The following CDKL2 variants were observed in gnomAD, a reference collection of about 807,000 sequenced individuals.
The protein encoded by CDKL2 is cyclin dependent kinase like 2.
A neutral mutation model predicts 63.9 loss-of-function variants in CDKL2; 64 were observed. The ratio of observed to expected loss-of-function variants is 1.00; its 90% CI spans 0.82 to 1.23. CDKL2 has a LOEUF of 1.23. Among genes scored for constraint, CDKL2 ranks in the 50% most tolerant of loss-of-function variants. CDKL2 has a pLI of 0.00. For missense variants in CDKL2, 656 were observed against 668.0 expected (o/e 0.98, Z 0.20); for synonymous variants, 211 against 229.2 (o/e 0.92, Z 0.72).
intron 2 of CDKL2, among the ~76,000 whole-genome samples, chr4:75,624,031 G>C (rs1285479053): frequency 6.6e-6 from 1 of 151,374 alleles, no homozygotes; most frequent in African/African-American, 2.4e-5. Context: ...CTACTCAGGA[G>C]GCTGAGGCAG....
In CDKL2 at chr4:75,598,212, C is replaced by A. The variant is rs1729028031; in HGVS notation, c.885G>T (p.Arg295Ser). The change falls in exon 8 of 14, where the codon AGG becomes AGT. Residue 295 changes from arginine to serine, a missense_variant and splice_region_variant. By Grantham distance (110) the Arg-to-Ser change is moderately radical. Transcript: ENST00000307465. Reference protein sequence around the residue: ...DFFQMDGFAERFSQELQLKVQ... With the variant: ...DFFQMDGFAESFSQELQLKVQ... ...CTTTTAACTGTAGTTCTTGGGAAAA[C>A]CTACATAAAAATATAATAAAATAAA... The A allele has an allele frequency of 7.0e-7, 1 of 1,419,666 alleles. No homozygotes were observed. The highest frequency in any genetic ancestry group is 1.4e-5 in the South Asian group (1 of 71,306). The allele number at this position is 1,419,666 out of a possible 1,614,324, so 87.9% of individuals were successfully genotyped here. A position where few individuals can be genotyped will look rare whatever the true frequency, so the allele number is the denominator to read the frequency against.
Position 75,614,256 on chromosome 4 carries a change from T to A in CDKL2, c.362A>T (p.Asn121Ile). Reference sequence around the variant, plus strand: ...AAATTATTTAAACCCAATACTTACATTGTGACTGTGACAAAATCCAATTCC... The same window carrying A: ...AAATTATTTAAACCCAATACTTACAATGTGACTGTGACAAAATCCAATTCC... ...INGIGFCHSH[N>I]IIHRDIKPEN... Residue 121 changes from asparagine to isoleucine, a missense_variant and splice_region_variant, in exon 3 of 14, where the codon AAT becomes ATT. Physicochemically the swap from Asn to Ile is moderately radical, Grantham distance 149 (BLOSUM62 -3). Coordinates refer to ENST00000307465, the MANE Select transcript of CDKL2 (RefSeq NM_001330724.2). The A allele has an allele frequency of 1.3e-6, 2 of 1,581,744 alleles. No homozygotes were observed. The highest frequency in any genetic ancestry group is 1.3e-5 in the African/African-American group (1 of 74,160).
intron 12 of CDKL2, among the ~76,000 whole-genome samples, chr4:75,588,729 A>C (rs1728582149): frequency 6.6e-6 from 1 of 152,196 alleles, no homozygotes; most frequent in Non-Finnish European, 1.5e-5. Context: ...CCCCCAAATC[A>C]GTGGACACAC....
intron 6 of CDKL2, among the ~76,000 whole-genome samples, chr4:75,603,387 T>C (rs970132401): frequency 2.0e-5 from 3 of 151,962 alleles, no homozygotes; most frequent in African/African-American, 7.2e-5. Flanking sequence ...ATTTAAATTG[T>C]TTCTAAATGT....
intron 4 of CDKL2, among the ~76,000 whole-genome samples, chr4:75,606,241 A>C (rs1435119004): frequency 6.6e-6 from 1 of 150,422 alleles, no homozygotes; most frequent in African/African-American, 2.4e-5. Context: ...TTGAGACAGA[A>C]TCTCACTCTG....
intron 10 of CDKL2, 59 bp from the exon 11 acceptor site, chr4:75,592,328 C>G: frequency 7.1e-7 from 1 of 1,412,584 alleles, no homozygotes; most frequent in Non-Finnish European, 9.3e-7. Context: ...CTAGGCTTTC[C>G]TTCTTCTGTA....
At chr4:75,580,790 T>C in intron 13 of CDKL2, among the ~76,000 whole-genome samples, 1 of 145,284 alleles carries the variant, frequency 6.9e-6, no homozygotes, top group African/African-American at 2.5e-5. Flanking sequence ...AAGCTCCGCC[T>C]CCCGGGTTCA....
intron 12 of CDKL2, among the ~76,000 whole-genome samples, chr4:75,584,360 AAATAGGG>A (rs1422723606): frequency 6.6e-6 from 1 of 152,188 alleles, no homozygotes; most frequent in African/African-American, 2.4e-5. Flanking sequence ...GCCAGCAAGG[AAATAGGG>A]ACTTCTGCCC....
Position 75,607,355 on chromosome 4 carries a change from G to A in CDKL2, c.370C>T (p.His124Tyr), listed in dbSNP as rs1215770918. 3 of 1,611,692 alleles carry A rather than the reference G, an allele frequency of 1.9e-6. No homozygotes were observed. The highest frequency in any genetic ancestry group is 2.5e-6 in the Non-Finnish European group (3 of 1,178,452). Residue 124 changes from histidine (H) to tyrosine (Y), a missense_variant, in exon 4 of 14, where the codon CAC (histidine) becomes TAC (tyrosine). Physicochemically the swap from His to Tyr is moderately conservative, Grantham distance 83. Coordinates refer to ENST00000307465, the MANE Select transcript of CDKL2 (RefSeq NM_001330724.2). ...IGFCHSHNII[H>Y]RDIKPENILV... ...ATATTCTCTGGCTTTATATCTCTGT[G>A]TATGATCTAGACAAGAAGCAGAGTG...
intron 6 of CDKL2, among the ~76,000 whole-genome samples, chr4:75,600,690 C>A (rs1375954450): frequency 2.0e-5 from 3 of 152,256 alleles, no homozygotes; most frequent in African/African-American, 7.2e-5. Context: ...GAACTCTGAG[C>A]TCAAGCTATC....
intron 12 of CDKL2, among the ~76,000 whole-genome samples, chr4:75,586,573 A>T (rs1490551460): frequency 1.3e-5 from 2 of 152,022 alleles, no homozygotes; most frequent in Non-Finnish European, 2.9e-5. Flanking sequence ...TATCTTTTTT[A>T]AAAAAAGGAA....
intron 5 of CDKL2, 59 bp downstream of exon 5, chr4:75,605,463 G>A: frequency 2.0e-6 from 2 of 985,134 alleles, no homozygotes; most frequent in Non-Finnish European, 1.6e-6. Flanking sequence ...CAAACACACA[G>A]GCACAAACAA....
At chr4:75,589,712 A>T (rs1377443264) in intron 12 of CDKL2, among the ~76,000 whole-genome samples, 1 of 152,218 alleles carries the variant, frequency 6.6e-6, no homozygotes, top group East Asian at 1.9e-4. Flanking sequence ...ACACATTTAC[A>T]AATGTTTATA....
intron 4 of CDKL2, 105 bp downstream of exon 4, chr4:75,607,078 C>G: frequency 1.1e-6 from 1 of 892,264 alleles, no homozygotes; most frequent in South Asian, 2.6e-5. Flanking sequence ...GAAACTCAAG[C>G]CTTCCTTTCA....
At chr4:75,627,863 T>A (rs977906982) in intron 1 of CDKL2, among the ~76,000 whole-genome samples, 1 of 149,410 alleles carries the variant, frequency 6.7e-6, no homozygotes, top group Non-Finnish European at 1.5e-5. Flanking sequence ...CAGGCACCGC[T>A]ACCACGCCCA....
chr4:75,581,718 G>A lies in CDKL2; in HGVS notation c.*23+92C>T, dbSNP rs567763690. On this transcript the variant is annotated intron_variant, in intron 13 of 13. Transcript: ENST00000307465. ...AGTTCTCATGGAATCAATCACTGGAGACGGTTTCAGCTGAAAAATTGGTAT... is the reference window on the plus strand; with the variant it reads ...AGTTCTCATGGAATCAATCACTGGAAACGGTTTCAGCTGAAAAATTGGTAT... 6.3e-6 allele frequency: 4 copies of A among 631,796 alleles called. No individual in the cohort carries two copies. In the East Asian group the frequency reaches 1.1e-4, roughly 17 times the overall value. The allele number at this position is 631,796 out of a possible 1,614,324, so 39.1% of individuals were successfully genotyped here.
At chr4:75,608,133 T>A (rs971397531) in intron 3 of CDKL2, among the ~76,000 whole-genome samples, 2 of 135,210 alleles carry the variant, frequency 1.5e-5, no homozygotes, top group East Asian at 4.5e-4. Flanking sequence ...TTTTTTTTTT[T>A]TTTTTTTTTA....
At chr4:75,584,009 A>T (rs1335967998) in intron 12 of CDKL2, among the ~76,000 whole-genome samples, 3 of 152,226 alleles carry the variant, frequency 2.0e-5, no homozygotes, top group Non-Finnish European at 2.9e-5. Context: ...TTGTAAAGCT[A>T]TGCCCTTAAG....
At chr4:75,585,009 C>T (rs1728412986) in intron 12 of CDKL2, among the ~76,000 whole-genome samples, 1 of 151,846 alleles carries the variant, frequency 6.6e-6, no homozygotes, top group Non-Finnish European at 1.5e-5. Flanking sequence ...AGAATGTATA[C>T]AAAGGAAAAA....
Sources: allele counts gnomAD v4.1 joint callset (sites outside exome capture counted in the v4.1 genomes callset), GRCh38; gene constraint gnomAD v4.1.1; transcripts MANE v1.5; gene names NCBI Gene and HGNC (gene_info 2026-07-23, HGNC 2026-07-21).